The following SIGLEC5 variants were observed in gnomAD, a reference collection of about 807,000 sequenced individuals.
The protein encoded by SIGLEC5 is sialic acid binding Ig like lectin 5, also known as sialic acid-binding Ig-like lectin 5.
SIGLEC5 carries 34 observed loss-of-function variants against 45.9 expected under a neutral mutation model. That is an observed-to-expected ratio of 0.74 (90% CI 0.56 to 0.99). SIGLEC5 has a LOEUF of 0.99. SIGLEC5 is among the 50% of genes least tolerant of loss of function. The pLI is 0.00. For missense variants in SIGLEC5, 508 were observed against 629.6 expected (o/e 0.81, Z 2.07); for synonymous variants, 203 against 258.6 (o/e 0.79, Z 2.06).
In SIGLEC5 at chr19:51,612,124, A is replaced by T; in HGVS notation, c.*107T>A. Reference sequence around the variant, plus strand: ...GAGCACTTAAACATCAGTTAATGTTAACATTGCCACAAGGGCTCTTCGTGC... The same window carrying T: ...GAGCACTTAAACATCAGTTAATGTTTACATTGCCACAAGGGCTCTTCGTGC... On this transcript the variant is annotated 3_prime_UTR_variant, in exon 9 of 9. Coordinates refer to ENST00000683636, the MANE Select transcript of SIGLEC5 (RefSeq NM_003830.4). 1 of 592,510 alleles carries T rather than the reference A, an allele frequency of 1.7e-6. No individual in the cohort carries two copies. Among genetic ancestry groups the T allele is most frequent in the Non-Finnish European group, 2.7e-6 (1 of 372,740 alleles). The allele number at this position is 592,510 out of a possible 1,614,324, so 36.7% of individuals were successfully genotyped here.
chr19:51,618,059 A>C (rs2066056291), intron 8 of SIGLEC5, among the ~76,000 whole-genome samples: 1 of 151,096 alleles, frequency 6.6e-6, no homozygotes, highest in Non-Finnish European at 1.5e-5. Context: ...CACCCTCCCA[A>C]GTAGCTGGAA....
In SIGLEC5 at chr19:51,612,219, CT is replaced by C; in HGVS notation, c.*11del. ...TGGCTCCTCCAGCCAGGACTGAACT[CT>C]GGGCAAATCCTCACTTGCTTGTCTT... On this transcript the variant is annotated 3_prime_UTR_variant, in exon 9 of 9. Transcript: ENST00000683636. The C allele has an allele frequency of 2.5e-6, 4 of 1,581,576 alleles. No homozygotes were observed.
Position 51,625,915 on chromosome 19 carries a change from C to G in SIGLEC5, c.1464+117G>C, listed in dbSNP as rs548069748. 167 of 740,656 alleles carry G rather than the reference C, an allele frequency of 2.3e-4. 1 individual carries two copies. Among genetic ancestry groups the G allele is most frequent in the Non-Finnish European group, 3.6e-4 (148 of 415,814 alleles). The allele number at this position is 740,656 out of a possible 1,614,324, so 45.9% of individuals were successfully genotyped here. On this transcript the variant is annotated intron_variant, in intron 8 of 8. Transcript: ENST00000683636. ...GGCTCTGGGATATGAAGGGGGAGAA[C>G]AGGAGAGAAGAGAACTCCCAGGTGA...
intron 8 of SIGLEC5, among the ~76,000 whole-genome samples, chr19:51,620,535 C>A (rs1983247431): frequency 6.6e-6 from 1 of 152,020 alleles, no homozygotes; most frequent in Non-Finnish European, 1.5e-5. Flanking sequence ...TAGATGCATT[C>A]AAAAAATACA....
chr19:51,627,799 C>T (rs1358773763), intron 5 of SIGLEC5, 35 bp downstream of exon 5: 10 of 1,576,698 alleles, frequency 6.3e-6, no homozygotes, highest in Non-Finnish European at 6.9e-6. Flanking sequence ...TCTTTAATAC[C>T]ATGCAGTTCC....
Position 51,627,609 on chromosome 19 carries a change from C to T in SIGLEC5, c.1135G>A (p.Gly379Ser). The change falls in exon 6 of 9, where the codon GGC (glycine) becomes AGC (serine). Residue 379 changes from glycine (G) to serine (S), a missense_variant. Transcript: ENST00000683636. ...GAGCTGGAGTTGACCTTGAATGAGC[C>T]CTGGCTGCTGTTCCCCTCCAGCGGC... ...EKPLEGNSSQ[G>S]SFKVNSSSAG... The T allele has an allele frequency of 6.2e-7, 1 of 1,613,674 alleles. No individual in the cohort carries two copies. Among genetic ancestry groups the T allele is most frequent in the African/African-American group, 1.3e-5 (1 of 75,018 alleles).
intron 8 of SIGLEC5, among the ~76,000 whole-genome samples, chr19:51,617,954 G>T (rs942344051): frequency 6.6e-6 from 1 of 151,512 alleles, no homozygotes; most frequent in Non-Finnish European, 1.5e-5. Context: ...TTTGTTAGAT[G>T]TAAGACAGAG....
In SIGLEC5 at chr19:51,627,904, T is replaced by G; in HGVS notation, c.927A>C (p.Glu309Asp). Residue 309 changes from glutamate to aspartate, a missense_variant, in exon 5 of 9, where the codon GAA becomes GAC. Transcript: ENST00000683636. ...GCTGAGCGCGGCAGGTGAAGCCTCC[T>G]TCTTCTGCAGACCTTACTCGACGAA... ...LELRRVRSAE[E>D]GGFTCRAQHP... 2 of 1,614,028 alleles carry G rather than the reference T, an allele frequency of 1.2e-6. No homozygotes were observed. Among genetic ancestry groups the G allele is most frequent in the Non-Finnish European group, 1.7e-6 (2 of 1,179,948 alleles).
chr19:51,614,161 T>C (rs1320159391), intron 8 of SIGLEC5, among the ~76,000 whole-genome samples: 1 of 152,220 alleles, frequency 6.6e-6, no homozygotes, highest in South Asian at 2.1e-4. Context: ...AGTTTTCTTT[T>C]TGAGACAGAG....
intron 8 of SIGLEC5, among the ~76,000 whole-genome samples, chr19:51,619,606 T>TA: frequency 6.6e-6 from 1 of 152,238 alleles, no homozygotes; most frequent in Non-Finnish European, 1.5e-5. Flanking sequence ...AATCACAATG[T>TA]TGTTTTAACA....
intron 8 of SIGLEC5, among the ~76,000 whole-genome samples, chr19:51,615,222 T>G (rs1225541442): frequency 6.6e-6 from 1 of 152,168 alleles, no homozygotes; most frequent in Non-Finnish European, 1.5e-5. Flanking sequence ...ATGATGGAAC[T>G]AAAGATGGAG....
At chr19:51,620,463 C>T (rs2053925) in intron 8 of SIGLEC5, among the ~76,000 whole-genome samples, 134,323 of 152,236 alleles carry the variant, frequency 0.88, 59,501 homozygotes, top group African/African-American at 0.97. Flanking sequence ...AGTTTCATAC[C>T]AGAAAAATCT....
At position 51,629,786 on chromosome 19, in the gene SIGLEC5, C is replaced by T. The variant is rs747110465; in HGVS notation, c.421+47G>A. ...CCCAACTCCTGTCCCTGTTCTCATA[C>T]GGGGGTCTCCACGTCCCAGGGTCCT... On this transcript the variant is annotated intron_variant, in intron 2 of 8. Transcript: ENST00000683636. 3.4e-5 allele frequency: 44 copies of T among 1,306,612 alleles called. 2 individuals carry two copies. Among genetic ancestry groups the T allele is most frequent in the South Asian group, 5.9e-5 (5 of 84,462 alleles). 80.9% of individuals were successfully genotyped at this position (1,306,612 alleles called of 1,614,324 possible). A position where few individuals can be genotyped will look rare whatever the true frequency, so the allele number is the denominator to read the frequency against.
chr19:51,619,920 C>T (rs1983218453), intron 8 of SIGLEC5, among the ~76,000 whole-genome samples: 1 of 151,682 alleles, frequency 6.6e-6, no homozygotes, highest in African/African-American at 2.4e-5. Flanking sequence ...ATAGGGAAAG[C>T]AATTAACAAG....
Position 51,627,825 on chromosome 19 carries a change from C to A in SIGLEC5, c.997+9G>T, listed in dbSNP as rs777790043. On this transcript the variant is annotated intron_variant, in intron 5 of 8. Coordinates refer to ENST00000683636, the MANE Select transcript of SIGLEC5 (RefSeq NM_003830.4). ...ATGCAGTTCCTGCTCCAGCTGCCCC[C>A]ACACTCACAGTAAACTGAGAGATTC... 3.8e-6 allele frequency: 6 copies of A among 1,593,504 alleles called. No homozygotes were observed. The South Asian group carries it at 5.7e-5, about 15-fold the overall frequency.
Position 51,612,248 on chromosome 19 carries a change from T to C in SIGLEC5, c.1639A>G (p.Ile547Val), listed in dbSNP as rs1328694632. 7 of 1,603,030 alleles carry C rather than the reference T, an allele frequency of 4.4e-6. No homozygotes were observed. Among genetic ancestry groups the C allele is most frequent in the Non-Finnish European group, 6.0e-6 (7 of 1,173,434 alleles). ...GCAAATCCTCACTTGCTTGTCTTGA[T>C]CTCCGAGTACTCCGTGGTGCTTGGG... ...EAPSTTEYSE[I>V]KTSK The change falls in exon 9 of 9, where the codon ATC becomes GTC. Residue 547 changes from isoleucine to valine, a missense_variant. Coordinates refer to ENST00000683636, the MANE Select transcript of SIGLEC5 (RefSeq NM_003830.4).
At chr19:51,626,693 TC>T (rs1343527848) in intron 7 of SIGLEC5, among the ~76,000 whole-genome samples, 2 of 152,242 alleles carry the variant, frequency 1.3e-5, no homozygotes, top group East Asian at 3.9e-4. Flanking sequence ...GTGCAAGGTT[TC>T]TTTATGTCTT....
chr19:51,617,436 G>T (rs1029454916), intron 8 of SIGLEC5, among the ~76,000 whole-genome samples: 3 of 151,992 alleles, frequency 2.0e-5, no homozygotes, highest in African/African-American at 7.2e-5. Flanking sequence ...GAACCAAAGA[G>T]AAAATTATAA....
Position 51,626,048 on chromosome 19 carries a change from A to AT in SIGLEC5, c.1447dup (p.Met483AsnfsTer42), listed in dbSNP as rs1568591948. 6.8e-6 allele frequency: 11 copies of AT among 1,613,856 alleles called. No homozygotes were observed. In the Middle Eastern group the frequency reaches 1.5e-3, roughly 222 times the overall value. On this transcript the variant is annotated frameshift_variant, in exon 8 of 9. Coordinates refer to ENST00000683636, the MANE Select transcript of SIGLEC5 (RefSeq NM_003830.4). LOFTEE classifies it low-confidence loss of function (END_TRUNC). ...ACCACTCACCGAGGTGATGGTACCC[A>AT]TAATGGGGTCTTCATCATCCATTTT...
Sources: allele counts gnomAD v4.1 joint callset (sites outside exome capture counted in the v4.1 genomes callset), GRCh38; gene constraint gnomAD v4.1.1; transcripts MANE v1.5; gene names NCBI Gene and HGNC (gene_info 2026-07-23, HGNC 2026-07-21).